Variants in PPFIBP1 observed in about 807,000 individuals in gnomAD.
PPFIBP1 encodes PPFIB scaffold protein 1, also known as liprin-beta-1.
A neutral mutation model predicts 137.8 loss-of-function variants in PPFIBP1; 112 were observed. The observed-to-expected ratio is 0.81, with a 90% confidence interval of 0.70 to 0.95. The LOEUF (loss-of-function observed/expected upper bound fraction) is 0.95. Ranked by LOEUF, PPFIBP1 falls within the 40% of genes least tolerant of loss-of-function variation. The probability of loss-of-function intolerance (pLI) is 0.00; values close to 1 mark genes in which losing one functional copy is unlikely to be tolerated. For synonymous variants in PPFIBP1, 378 were observed against 417.3 expected (o/e 0.91, Z 1.15); for missense variants, 1,083 against 1,196.6 (o/e 0.91, Z 1.40).
intron 12 of PPFIBP1, among the ~76,000 whole-genome samples, chr12:27,665,864 T>C (rs946538917): frequency 1.3e-5 from 2 of 152,182 alleles, no homozygotes; most frequent in African/African-American, 4.8e-5. Context: ...AGTGAGCAAA[T>C]GAACCTCTAA....
chr12:27,629,036 C>T (rs1307318158), intron 2 of PPFIBP1, among the ~76,000 whole-genome samples: 1 of 152,168 alleles, frequency 6.6e-6, no homozygotes, highest in Non-Finnish European at 1.5e-5. Context: ...CAGACCACCA[C>T]ATCCAATGGC....
At chr12:27,595,855 A>ACT (rs1203191602) in intron 2 of PPFIBP1, among the ~76,000 whole-genome samples, 1 of 76,692 alleles carries the variant, frequency 1.3e-5, no homozygotes, top group African/African-American at 7.3e-5. Context: ...ACTCTGATCA[A>ACT]CAACAACAAC....
chr12:27,551,452 TC>T (rs1946767422), intron 1 of PPFIBP1, among the ~76,000 whole-genome samples: 1 of 152,162 alleles, frequency 6.6e-6, no homozygotes, highest in Non-Finnish European at 1.5e-5. Flanking sequence ...CCTTTCCACT[TC>T]CCAAGAGCAA....
Position 27,641,900 on chromosome 12 carries a change from G to A in PPFIBP1, c.271-4162G>A, listed in dbSNP as rs574632992. 7.2e-5 allele frequency among the ~76,000 whole-genome samples: 11 copies of A among 152,116 alleles called. No homozygotes were observed. The East Asian group carries it at 1.7e-3, about 24-fold the overall frequency. On this transcript the variant is annotated intron_variant, in intron 4 of 29. Transcript: ENST00000228425. The stretch of plus-strand genomic sequence containing the variant: ...GGCAACCCCCTTTGGGTCCCCTCCC[G>A]TTGTATGGGAGCTCTGTTTTCACTA...
rs368707142 is a variant in PPFIBP1 at position 27,539,564 on chromosome 12, C to T, written c.-124+15199C>T. ...TCACATCAAGAAGCCCTATGTTTTT[C>T]TAGCCTTGGATTTTAAACAAAGCAG... On this transcript the variant is annotated intron_variant, in intron 1 of 29. Coordinates refer to ENST00000228425, the MANE Select transcript of PPFIBP1 (RefSeq NM_003622.4). 3.3e-5 allele frequency among the ~76,000 whole-genome samples: 5 copies of T among 152,280 alleles called. No individual in the cohort carries two copies. In the East Asian group the frequency reaches 9.6e-4, roughly 29 times the overall value.
At chr12:27,653,586 TAAAAAAAAAA>T (rs11306083) in intron 7 of PPFIBP1, among the ~76,000 whole-genome samples, 11 of 107,600 alleles carry the variant, frequency 1.0e-4, no homozygotes, top group Non-Finnish European at 3.6e-5. Context: ...GACTCCATCT[TAAAAAAAAAA>T]AAAAAAAAAA....
chr12:27,652,951 G>A (rs2139682816), intron 7 of PPFIBP1, among the ~76,000 whole-genome samples: 1 of 152,204 alleles, frequency 6.6e-6, no homozygotes, highest in Non-Finnish European at 1.5e-5. Context: ...AACAGTTCAT[G>A]ACCTAATTCA....
At chr12:27,628,596 C>T (rs2057025549) in intron 2 of PPFIBP1, among the ~76,000 whole-genome samples, 1 of 152,132 alleles carries the variant, frequency 6.6e-6, no homozygotes, top group Non-Finnish European at 1.5e-5. Context: ...TATTCTGAGC[C>T]TTTTATTTTG....
At chr12:27,600,309 G>T (rs773909672) in intron 2 of PPFIBP1, among the ~76,000 whole-genome samples, 1 of 152,044 alleles carries the variant, frequency 6.6e-6, no homozygotes, top group East Asian at 1.9e-4. Context: ...GGTGGTACAC[G>T]CCTGTAGTCC....
At chr12:27,598,176 C>T (rs1413899279) in intron 2 of PPFIBP1, among the ~76,000 whole-genome samples, 1 of 152,112 alleles carries the variant, frequency 6.6e-6, no homozygotes, top group Non-Finnish European at 1.5e-5. Context: ...CATTCTCATG[C>T]TGCTAATAAA....
At chr12:27,662,536 G>T (rs1310142163) in intron 11 of PPFIBP1, among the ~76,000 whole-genome samples, 1 of 152,162 alleles carries the variant, frequency 6.6e-6, no homozygotes, top group Non-Finnish European at 1.5e-5. Context: ...GTGATAAGGT[G>T]GGAAGAGCTT....
chr12:27,561,690 C>T (rs1005234042), intron 1 of PPFIBP1, among the ~76,000 whole-genome samples: 2 of 152,100 alleles, frequency 1.3e-5, no homozygotes, highest in African/African-American at 4.8e-5. Flanking sequence ...GCCACAGCTG[C>T]CTGCTTTCGT....
chr12:27,592,977 T>C (rs1216137333), intron 2 of PPFIBP1, among the ~76,000 whole-genome samples: 1 of 151,780 alleles, frequency 6.6e-6, no homozygotes, highest in African/African-American at 2.4e-5. Context: ...CTGTCTCTAC[T>C]AAAAATACAA....
intron 1 of PPFIBP1, among the ~76,000 whole-genome samples, chr12:27,569,871 A>G (rs796174738): frequency 9.2e-5 from 14 of 152,232 alleles, no homozygotes; most frequent in African/African-American, 3.4e-4. Flanking sequence ...CATTTTATAC[A>G]GTTTCCAAGT....
chr12:27,663,490 A>G (rs554962166), intron 11 of PPFIBP1, among the ~76,000 whole-genome samples: 1 of 152,278 alleles, frequency 6.6e-6, no homozygotes, highest in South Asian at 2.1e-4. Flanking sequence ...GTGGATGGAT[A>G]AGTGAAAGGA....
intron 12 of PPFIBP1, among the ~76,000 whole-genome samples, chr12:27,665,070 C>T (rs2059780278): frequency 6.6e-6 from 1 of 152,120 alleles, no homozygotes; most frequent in African/African-American, 2.4e-5. Flanking sequence ...CACCTGTAGT[C>T]CCAGCTACTC....
At chr12:27,642,621 G>A (rs1022038970) in intron 4 of PPFIBP1, among the ~76,000 whole-genome samples, 4 of 152,142 alleles carry the variant, frequency 2.6e-5, no homozygotes, top group African/African-American at 4.8e-5. Context: ...AGGTCAGCCC[G>A]TAGATGGGGA....
chr12:27,561,847 A>C (rs907519094), intron 1 of PPFIBP1, among the ~76,000 whole-genome samples: 1 of 152,124 alleles, frequency 6.6e-6, no homozygotes, highest in Non-Finnish European at 1.5e-5. Flanking sequence ...CAACAACACC[A>C]GGCTGGGCAA....
intron 2 of PPFIBP1, among the ~76,000 whole-genome samples, chr12:27,596,019 G>T (rs1046989311): frequency 6.7e-6 from 1 of 149,344 alleles, no homozygotes; most frequent in Non-Finnish European, 1.5e-5. Context: ...TGGCTAAGAT[G>T]GTTCCCGTCC....
Sources: gnomAD v4.1 joint callset for allele counts (sites outside exome capture counted in the v4.1 genomes callset) on GRCh38, gnomAD v4.1.1 for gene constraint, MANE v1.5 for transcripts, NCBI Gene and HGNC (gene_info 2026-07-23, HGNC 2026-07-21) for gene names.